The following RAB7A variants were observed in gnomAD, a reference collection of about 807,000 sequenced individuals.
The protein encoded by RAB7A is RAB7A, member RAS oncogene family, also known as ras-related protein Rab-7a.
In RAB7A, 2 loss-of-function variants were observed where a neutral mutation model predicts 24.5. That is an observed-to-expected ratio of 0.08 (90% confidence interval 0.03 to 0.26). The LOEUF is 0.26. Ranked by LOEUF, RAB7A falls within the 10% of genes least tolerant of loss-of-function variation. RAB7A has a pLI of 1.00. For synonymous variants in RAB7A, 100 were observed against 95.9 expected, an observed-to-expected ratio of 1.04 and a Z score of -0.25; for missense variants, 118 against 255.7, an observed-to-expected ratio of 0.46 and a Z score of 3.67.
intron 1 of RAB7A, among the ~76,000 whole-genome samples, chr3:128,773,010 A>AC (rs1436748245): frequency 6.6e-6 from 1 of 151,708 alleles, no homozygotes; most frequent in Non-Finnish European, 1.5e-5. Context: ...CCCGGCCACC[A>AC]CCCCGTCTGG....
chr3:128,746,900 T>C (rs1317804628), intron 1 of RAB7A, among the ~76,000 whole-genome samples: 1 of 151,796 alleles, frequency 6.6e-6, no homozygotes, highest in African/African-American at 2.4e-5. Context: ...GTGATAGATA[T>C]ATGTTAGTTA....
chr3:128,782,374 A>T (rs574500747), intron 1 of RAB7A, among the ~76,000 whole-genome samples: 5 of 152,248 alleles, frequency 3.3e-5, no homozygotes, highest in African/African-American at 1.2e-4. Context: ...ATCCAGGCTG[A>T]TGCCCGCATG....
chr3:128,742,981 G>C (rs1040398103), intron 1 of RAB7A, among the ~76,000 whole-genome samples: 17 of 152,212 alleles, frequency 1.1e-4, no homozygotes, highest in Non-Finnish European at 1.3e-4. Flanking sequence ...GCAGGGGGCG[G>C]TGCCCGTCGG....
At chr3:128,763,938 C>G (rs2070800979) in intron 1 of RAB7A, among the ~76,000 whole-genome samples, 1 of 135,318 alleles carries the variant, frequency 7.4e-6, no homozygotes, top group Admixed American at 8.9e-5. Flanking sequence ...TTTCCTCTAC[C>G]TACTTATTTT....
At chr3:128,795,334 A>C in intron 1 of RAB7A, 26 bp from the exon 2 acceptor site, 1 of 1,589,308 alleles carries the variant, frequency 6.3e-7, no homozygotes, top group Non-Finnish European at 8.6e-7. Flanking sequence ...TCACACTCAC[A>C]GTGATTTCTC....
At chr3:128,813,305 C>G (rs931295609) in intron 5 of RAB7A, 22 bp from the exon 6 acceptor site, 3 of 1,605,712 alleles carry the variant, frequency 1.9e-6, no homozygotes, top group African/African-American at 1.3e-5. Flanking sequence ...AGTAACCAAC[C>G]TTTCTCTGTT....
At chr3:128,751,828 G>A (rs527506489) in intron 1 of RAB7A, among the ~76,000 whole-genome samples, 33 of 152,216 alleles carry the variant, frequency 2.2e-4, no homozygotes, top group Non-Finnish European at 4.4e-4. Context: ...TCGGTTATGG[G>A]AGGGACCCAG....
chr3:128,764,444 T>C (rs2070807420), intron 1 of RAB7A: 1 of 755,250 alleles, frequency 1.3e-6, no homozygotes, highest in Admixed American at 1.7e-5. Flanking sequence ...GCCCCATGGC[T>C]ATGGGGAAAT....
At chr3:128,801,383 A>G (rs552308046) in intron 3 of RAB7A, among the ~76,000 whole-genome samples, 54 of 19,626 alleles carry the variant, frequency 2.8e-3, no homozygotes, top group Middle Eastern at 0.053. Flanking sequence ...TATCACAAAA[A>G]GTAATAATAA....
chr3:128,795,516 A>G (rs1933546955), intron 2 of RAB7A, 96 bp downstream of exon 2: 13 of 1,160,920 alleles, frequency 1.1e-5, no homozygotes, highest in Non-Finnish European at 1.6e-5. Flanking sequence ...TCTTGCTTTC[A>G]TAGTGAGGCT....
intron 5 of RAB7A, among the ~76,000 whole-genome samples, chr3:128,811,295 T>C (rs1418335552): frequency 6.6e-6 from 1 of 152,212 alleles, no homozygotes; most frequent in African/African-American, 2.4e-5. Context: ...AATTGATTTA[T>C]AATATGATCC....
At position 128,807,022 on chromosome 3, in the gene RAB7A, A is replaced by G. The variant is rs577594455; in HGVS notation, c.399+432A>G. 2.6e-5 allele frequency among the ~76,000 whole-genome samples: 4 copies of G among 152,358 alleles called. No homozygotes were observed. The South Asian group carries it at 6.2e-4, about 24-fold the overall frequency. On this transcript the variant is annotated intron_variant, in intron 4 of 5. Transcript: ENST00000265062. ...AACATAGACTCTTTGATTAATTACAACTAGGTTTATTTCTGACCACAGATC... is the reference window on the plus strand; with the variant it reads ...AACATAGACTCTTTGATTAATTACAGCTAGGTTTATTTCTGACCACAGATC...
intron 1 of RAB7A, among the ~76,000 whole-genome samples, chr3:128,746,807 G>A (rs1197261508): frequency 6.6e-6 from 1 of 151,628 alleles, no homozygotes; most frequent in Non-Finnish European, 1.5e-5. Flanking sequence ...GGGATTACAG[G>A]TGTGAGCCAC....
chr3:128,755,964 C>T (rs1002414988), intron 1 of RAB7A, among the ~76,000 whole-genome samples: 2 of 151,548 alleles, frequency 1.3e-5, no homozygotes, highest in Non-Finnish European at 2.9e-5. Context: ...AAATTTCTCA[C>T]ACATAAAACC....
chr3:128,804,499 C>T (rs188681398), intron 3 of RAB7A, among the ~76,000 whole-genome samples: 83 of 152,316 alleles, frequency 5.4e-4, no homozygotes, highest in African/African-American at 2.0e-3. Flanking sequence ...TCGCTGTTAA[C>T]AATTTCAATT....
chr3:128,737,762 T>A (rs1235774850), intron 1 of RAB7A, among the ~76,000 whole-genome samples: 1 of 143,666 alleles, frequency 7.0e-6, no homozygotes, highest in Non-Finnish European at 1.5e-5. Context: ...GATCCTCTCA[T>A]CTCAACTTCC....
At chr3:128,803,665 G>A (rs535185529) in intron 3 of RAB7A, among the ~76,000 whole-genome samples, 27 of 152,264 alleles carry the variant, frequency 1.8e-4, no homozygotes, top group African/African-American at 5.8e-4. Context: ...AAATGATCTG[G>A]GGAACTAAGT....
chr3:128,769,495 T>A (rs1402186660), intron 1 of RAB7A, among the ~76,000 whole-genome samples: 2 of 152,240 alleles, frequency 1.3e-5, no homozygotes, highest in Non-Finnish European at 2.9e-5. Flanking sequence ...TTTTTCTTAC[T>A]GTGTTTGAGA....
At chr3:128,772,358 A>G (rs755818762) in intron 1 of RAB7A, among the ~76,000 whole-genome samples, 23 of 152,214 alleles carry the variant, frequency 1.5e-4, no homozygotes, top group Non-Finnish European at 1.9e-4. Context: ...GAAACATCCC[A>G]TGGTCTTTTT....
Sources: gnomAD v4.1 joint callset for allele counts (sites outside exome capture counted in the v4.1 genomes callset) on GRCh38, gnomAD v4.1.1 for gene constraint, MANE v1.5 for transcripts, NCBI Gene and HGNC (gene_info 2026-07-23, HGNC 2026-07-21) for gene names.